Variants in UBE2L3 observed in about 807,000 individuals in gnomAD.
UBE2L3 encodes the protein ubiquitin-conjugating enzyme E2 L3.
In UBE2L3, 1 loss-of-function variant was observed where a neutral mutation model predicts 17.8. The observed-to-expected ratio is 0.06, with a 90% CI of 0.02 to 0.27. The LOEUF is 0.27. Among genes scored for constraint, UBE2L3 ranks in the 10% least tolerant of loss-of-function variants. UBE2L3 has a pLI of 1.00. For missense variants in UBE2L3, 40 were observed against 192.6 expected (o/e 0.21, Z 4.69); for synonymous variants, 44 against 68.5 (o/e 0.64, Z 1.76).
chr22:21,597,775 ATTTTTTT>A (rs35054754), intron 2 of UBE2L3, among the ~76,000 whole-genome samples: 14 of 25,600 alleles, frequency 5.5e-4, no homozygotes, highest in African/African-American at 1.2e-3. Flanking sequence ...TTATATGTAG[ATTTTTTT>A]TTTTTTTTTT....
chr22:21,584,636 G>T (rs1411643795), intron 1 of UBE2L3, among the ~76,000 whole-genome samples: 1 of 150,816 alleles, frequency 6.6e-6, no homozygotes, highest in African/African-American at 2.4e-5. Flanking sequence ...CTTACTGTGT[G>T]GCCCAGGCTG....
At chr22:21,578,841 A>T (rs938103761) in intron 1 of UBE2L3, among the ~76,000 whole-genome samples, 4 of 152,118 alleles carry the variant, frequency 2.6e-5, no homozygotes, top group Admixed American at 1.3e-4. Flanking sequence ...GTGATAGAGT[A>T]AGAGTTCAGA....
intron 1 of UBE2L3, among the ~76,000 whole-genome samples, chr22:21,581,055 AT>A (rs576111528): frequency 3.2e-3 from 415 of 130,730 alleles, no homozygotes; most frequent in Middle Eastern, 0.013. Flanking sequence ...TGCCCGGCTA[AT>A]TTTTTTTTTT....
At chr22:21,584,063 C>T (rs1179602686) in intron 1 of UBE2L3, among the ~76,000 whole-genome samples, 6 of 151,446 alleles carry the variant, frequency 4.0e-5, no homozygotes, top group African/African-American at 1.2e-4. Context: ...TTAGTAGAGA[C>T]GGGGTTTCTC....
At chr22:21,594,793 T>A (rs1928433371) in intron 2 of UBE2L3, among the ~76,000 whole-genome samples, 3 of 152,210 alleles carry the variant, frequency 2.0e-5, no homozygotes, top group Admixed American at 1.3e-4. Flanking sequence ...TCTAGGGACC[T>A]GAAGATGGCC....
At chr22:21,583,109 C>T (rs1251069701) in intron 1 of UBE2L3, among the ~76,000 whole-genome samples, 1 of 152,192 alleles carries the variant, frequency 6.6e-6, no homozygotes, top group African/African-American at 2.4e-5. Context: ...AACACTGCAG[C>T]TAAACTGGTT....
chr22:21,618,410 C>G (rs1416770597), intron 3 of UBE2L3, among the ~76,000 whole-genome samples: 1 of 151,866 alleles, frequency 6.6e-6, no homozygotes, highest in Middle Eastern at 3.4e-3. Context: ...TAAAAAATTA[C>G]AGAAAATTAG....
intron 2 of UBE2L3, among the ~76,000 whole-genome samples, chr22:21,596,823 T>C (rs190369062): frequency 1.1e-3 from 161 of 152,292 alleles, no homozygotes; most frequent in African/African-American, 3.2e-3. Flanking sequence ...AGGTTCCAGT[T>C]CATCCACATC....
At chr22:21,604,571 T>G (rs944084443) in intron 2 of UBE2L3, among the ~76,000 whole-genome samples, 2 of 152,206 alleles carry the variant, frequency 1.3e-5, no homozygotes, top group Non-Finnish European at 2.9e-5. Context: ...GAGGCAAATT[T>G]TCTGCAATGT....
chr22:21,620,397 C>T (rs1259083535), intron 3 of UBE2L3, among the ~76,000 whole-genome samples: 2 of 152,096 alleles, frequency 1.3e-5, no homozygotes, highest in African/African-American at 4.8e-5. Context: ...AGCCACTGCA[C>T]TCCAGTCTGA....
intron 1 of UBE2L3, among the ~76,000 whole-genome samples, chr22:21,579,929 G>A (rs559478564): frequency 2.0e-5 from 3 of 152,336 alleles, no homozygotes; most frequent in African/African-American, 7.2e-5. Context: ...TTCCTCAGAT[G>A]TCCAGCTCCA....
chr22:21,556,047 C>T (rs140967930), intron 1 of UBE2L3, among the ~76,000 whole-genome samples: 28 of 152,372 alleles, frequency 1.8e-4, no homozygotes, highest in Non-Finnish European at 3.5e-4. Context: ...CCAGCCTGGG[C>T]AACATGACAC....
intron 2 of UBE2L3, among the ~76,000 whole-genome samples, chr22:21,601,632 A>G (rs1568983225): frequency 6.6e-6 from 1 of 151,624 alleles, no homozygotes; most frequent in Non-Finnish European, 1.5e-5. Context: ...GCTCTTGACA[A>G]GGTTCCAGAG....
At chr22:21,618,848 T>TC (rs749049455) in intron 3 of UBE2L3, among the ~76,000 whole-genome samples, 7 of 152,236 alleles carry the variant, frequency 4.6e-5, no homozygotes. Context: ...CTCCTTGGCC[T>TC]CCCAAAGTGC....
chr22:21,562,205 T>C (rs889244635), intron 1 of UBE2L3, among the ~76,000 whole-genome samples: 9 of 148,992 alleles, frequency 6.0e-5, no homozygotes, highest in African/African-American at 1.2e-4. Flanking sequence ...TTTCTTTTTT[T>C]TTTTTTTGAG....
intron 3 of UBE2L3, among the ~76,000 whole-genome samples, chr22:21,617,957 G>A (rs1929858883): frequency 6.6e-6 from 1 of 152,018 alleles, no homozygotes; most frequent in African/African-American, 2.4e-5. Context: ...TGAGATGGGT[G>A]GATCATGAGG....
intron 1 of UBE2L3, among the ~76,000 whole-genome samples, chr22:21,570,066 G>A (rs1926874140): frequency 6.6e-6 from 1 of 152,160 alleles, no homozygotes; most frequent in African/African-American, 2.4e-5. Flanking sequence ...CCTTCAGAAT[G>A]TGTTGTTTCC....
chr22:21,592,453 CT>C (rs141545493), intron 1 of UBE2L3, among the ~76,000 whole-genome samples: 4,676 of 152,310 alleles, frequency 0.031, 237 homozygotes, highest in African/African-American at 0.11. Flanking sequence ...ATAATCAGTG[CT>C]TAATGAATCT....
chr22:21,583,000 C>G (rs983909148), intron 1 of UBE2L3, among the ~76,000 whole-genome samples: 2 of 152,208 alleles, frequency 1.3e-5, no homozygotes, highest in Non-Finnish European at 2.9e-5. Flanking sequence ...AAGCCCTTCC[C>G]CTGCCTCTCT....
Sources: allele counts gnomAD v4.1 joint callset (sites outside exome capture counted in the v4.1 genomes callset), GRCh38; gene constraint gnomAD v4.1.1; transcripts MANE v1.5; gene names NCBI Gene and HGNC (gene_info 2026-07-23, HGNC 2026-07-21).